RAB11FIP4: variants seen among roughly 807,000 people sequenced by gnomAD.
The protein encoded by RAB11FIP4 is rab11 family-interacting protein 4.
Under a neutral mutation model 74.3 loss-of-function variants are expected in RAB11FIP4, and 23 were observed. The observed-to-expected ratio is 0.31, with a 90% CI of 0.22 to 0.44. RAB11FIP4 has a LOEUF of 0.44. RAB11FIP4 is among the 20% of genes least tolerant of loss of function. The pLI is 1.00. For synonymous variants in RAB11FIP4, 360 were observed against 359.9 expected (o/e 1.00, Z 0.00); for missense variants, 630 against 863.9 (o/e 0.73, Z 3.39).
intron 3 of RAB11FIP4, among the ~76,000 whole-genome samples, chr17:31,503,157 C>G (rs985381474): frequency 1.3e-5 from 2 of 152,088 alleles, no homozygotes; most frequent in South Asian, 2.1e-4. Context: ...CTCAGCCTCC[C>G]GAGTAGCTGG....
At chr17:31,419,021 G>A (rs1448838753) in intron 1 of RAB11FIP4, among the ~76,000 whole-genome samples, 1 of 152,108 alleles carries the variant, frequency 6.6e-6, no homozygotes, top group African/African-American at 2.4e-5. Flanking sequence ...GCACGTAAAT[G>A]GAATCATACA....
chr17:31,517,914 C>G (rs758608636), intron 4 of RAB11FIP4, 37 bp downstream of exon 4: 5 of 1,498,526 alleles, frequency 3.3e-6, no homozygotes, highest in Non-Finnish European at 4.5e-6. Context: ...TATTTGCCCT[C>G]TCAGCCCAGA....
intron 3 of RAB11FIP4, among the ~76,000 whole-genome samples, chr17:31,475,738 A>T (rs2071784978): frequency 6.6e-6 from 1 of 150,994 alleles, no homozygotes; most frequent in Non-Finnish European, 1.5e-5. Flanking sequence ...CAGCTCTCAT[A>T]CTGTAAACAA....
At chr17:31,431,928 G>A in intron 2 of RAB11FIP4, 28 bp downstream of exon 2, 3 of 1,523,544 alleles carry the variant, frequency 2.0e-6, no homozygotes, top group Non-Finnish European at 2.7e-6. Context: ...GGCTTTCCCA[G>A]GCGCTCTCCG....
intron 3 of RAB11FIP4, among the ~76,000 whole-genome samples, chr17:31,477,790 A>G (rs2071808538): frequency 6.6e-6 from 1 of 152,128 alleles, no homozygotes; most frequent in Non-Finnish European, 1.5e-5. Context: ...CTCTGGAGCC[A>G]GGCTGCCTGG....
chr17:31,537,344 T>G lies in RAB11FIP4; in HGVS notation c.*5612T>G. 4 of 398,008 alleles carry G rather than the reference T, an allele frequency of 1.0e-5. No individual in the cohort carries two copies. The highest frequency in any genetic ancestry group is 1.8e-5 in the Non-Finnish European group (4 of 225,962). The allele number at this position is 398,008 out of a possible 1,614,324, so 24.7% of individuals were successfully genotyped here. A position where few individuals can be genotyped will look rare whatever the true frequency, so the allele number is the denominator to read the frequency against. On this transcript the variant is annotated 3_prime_UTR_variant, in exon 15 of 15. Transcript: ENST00000621161. The stretch of plus-strand genomic sequence containing the variant: ...CCTTGGCTCGCTCAGCCTGTAGACT[T>G]GGTAACTTTGTACAGAATCTTTCAT...
intron 3 of RAB11FIP4, among the ~76,000 whole-genome samples, chr17:31,501,246 T>C (rs2072215117): frequency 6.6e-6 from 1 of 151,414 alleles, no homozygotes; most frequent in East Asian, 1.9e-4. Flanking sequence ...CTTGAGTAGG[T>C]TCTGGAAATC....
At chr17:31,514,466 A>G (rs1392242247) in intron 3 of RAB11FIP4, among the ~76,000 whole-genome samples, 1 of 145,562 alleles carries the variant, frequency 6.9e-6, no homozygotes, top group Non-Finnish European at 1.5e-5. Context: ...TTGGGGAAAC[A>G]GAATCATGTC....
chr17:31,406,819 G>A (rs374007154), intron 1 of RAB11FIP4, among the ~76,000 whole-genome samples: 4 of 151,932 alleles, frequency 2.6e-5, no homozygotes, highest in African/African-American at 9.7e-5. Context: ...CTTTCTCTCT[G>A]TTAATCATAT....
intron 3 of RAB11FIP4, among the ~76,000 whole-genome samples, chr17:31,496,440 A>T (rs928899464): frequency 3.3e-5 from 5 of 152,172 alleles, no homozygotes; most frequent in Non-Finnish European, 4.4e-5. Context: ...GAGGGCTGGG[A>T]GTGGGTCACT....
chr17:31,517,842 C>T lies in RAB11FIP4; in HGVS notation c.528C>T (p.Asp176=), dbSNP rs370010747. Residue 176 remains aspartate (D), a synonymous_variant, in exon 4 of 15, where the codon GAC becomes GAT. Transcript: ENST00000621161. The stretch of plus-strand genomic sequence containing the variant: ...CTGTCGGGAGTCCTGCCGAGAAGGA[C>T]GGGGGACTTGGGGGCCTGTTTCTGC... ...EGSVGSPAEK[D]GGLGGLFLPE... The T allele has an allele frequency of 2.8e-5, 43 of 1,551,504 alleles. No homozygotes were observed. The African/African-American group carries it at 4.8e-4, about 17-fold the overall frequency.
In RAB11FIP4 at chr17:31,505,509, T is replaced by TA. The variant is rs1472379463; in HGVS notation, c.337-12141dup. 9.0e-4 allele frequency among the ~76,000 whole-genome samples: 55 copies of TA among 60,946 alleles called. 2 individuals carry two copies. The highest frequency in any genetic ancestry group is 3.1e-3 in the African/African-American group (49 of 15,986). 40.0% of individuals were successfully genotyped at this position (60,946 alleles called of 152,430 possible). On this transcript the variant is annotated intron_variant, in intron 3 of 14. Coordinates refer to ENST00000621161, the MANE Select transcript of RAB11FIP4 (RefSeq NM_032932.6). ...TATAATATATAATTATTATATTATATATAATAATTATATATTATATATAAT... is the reference window on the plus strand; with the variant it reads ...TATAATATATAATTATTATATTATATAATAATAATTATATATTATATATAAT...
intron 3 of RAB11FIP4, among the ~76,000 whole-genome samples, chr17:31,502,756 A>C (rs1460669083): frequency 1.3e-5 from 2 of 152,188 alleles, no homozygotes; most frequent in Non-Finnish European, 2.9e-5. Flanking sequence ...TACGGCTGTC[A>C]TAGCAAAGGA....
intron 3 of RAB11FIP4, among the ~76,000 whole-genome samples, chr17:31,446,004 T>G (rs2071460246): frequency 6.6e-6 from 1 of 151,812 alleles, no homozygotes. Flanking sequence ...TTCCTTGGCT[T>G]TTTTTTTCTT....
intron 2 of RAB11FIP4, 137 bp downstream of exon 2, chr17:31,432,037 C>T (rs2071314837): frequency 1.5e-6 from 1 of 649,186 alleles, no homozygotes; most frequent in Non-Finnish European, 2.7e-6. Context: ...GTCGGTTCTG[C>T]CTCTGGCTTC....
At chr17:31,410,365 C>T (rs2071081845) in intron 1 of RAB11FIP4, among the ~76,000 whole-genome samples, 3 of 152,164 alleles carry the variant, frequency 2.0e-5, no homozygotes, top group African/African-American at 7.2e-5. Context: ...CATACCTGCA[C>T]CTGCGGCTGC....
In RAB11FIP4 at chr17:31,517,665, A is replaced by G; in HGVS notation, c.351A>G (p.Thr117=). ...PDCVEQGSEV[T]GPTFADGELI... ...CTCTTTCCCAGGGCAGCGAGGTCAC[A>G]GGCCCCACCTTTGCTGATGGCGAGC... The change falls in exon 4 of 15, where the codon ACA becomes ACG. Residue 117 remains threonine, a synonymous_variant. Transcript: ENST00000621161. The G allele has an allele frequency of 3.1e-6, 5 of 1,604,970 alleles. No individual in the cohort carries two copies. Among genetic ancestry groups the G allele is most frequent in the Non-Finnish European group, 4.2e-6 (5 of 1,176,570 alleles).
At chr17:31,514,746 C>T (rs1290109537) in intron 3 of RAB11FIP4, among the ~76,000 whole-genome samples, 4 of 152,244 alleles carry the variant, frequency 2.6e-5, no homozygotes, top group Non-Finnish European at 5.9e-5. Context: ...CCCCAGGTCT[C>T]TTCTGGTCTC....
At chr17:31,425,105 C>T (rs755623985) in intron 1 of RAB11FIP4, among the ~76,000 whole-genome samples, 1 of 152,220 alleles carries the variant, frequency 6.6e-6, no homozygotes, top group African/African-American at 2.4e-5. Flanking sequence ...CCGTCTTCTA[C>T]GAACTGTGTG....
Sources: gnomAD v4.1 joint callset for allele counts (sites outside exome capture counted in the v4.1 genomes callset) on GRCh38, gnomAD v4.1.1 for gene constraint, MANE v1.5 for transcripts, NCBI Gene and HGNC (gene_info 2026-07-23, HGNC 2026-07-21) for gene names.